Variants in CD58 observed in about 807,000 individuals in gnomAD.
CD58 encodes the protein lymphocyte function-associated antigen 3.
Under a neutral mutation model 27.6 loss-of-function variants are expected in CD58, and 14 were observed. The ratio of observed to expected loss-of-function variants is 0.51; its 90% CI spans 0.34 to 0.79. The LOEUF (loss-of-function observed/expected upper bound fraction) is 0.79. Ranked by LOEUF, CD58 falls within the 30% of genes least tolerant of loss-of-function variation. The pLI is 0.02. For synonymous variants in CD58, 117 were observed against 103.8 expected, an observed-to-expected ratio of 1.13 and a Z score of -0.77; for missense variants, 268 against 301.7, an observed-to-expected ratio of 0.89 and a Z score of 0.83.
At chr1:116,566,948 G>A (rs1658956006) in intron 1 of CD58, among the ~76,000 whole-genome samples, 1 of 151,400 alleles carries the variant, frequency 6.6e-6, no homozygotes, top group Non-Finnish European at 1.5e-5. Context: ...AGACCAGCCT[G>A]GGCAACATGG....
chr1:116,544,241 T>C, intron 2 of CD58, 70 bp downstream of exon 2: 1 of 1,020,496 alleles, frequency 9.8e-7, no homozygotes, highest in Admixed American at 2.3e-5. Flanking sequence ...TAATTTGTGC[T>C]AGTCTCTGAA....
At chr1:116,549,304 G>A (rs972428255) in intron 1 of CD58, among the ~76,000 whole-genome samples, 1 of 152,150 alleles carries the variant, frequency 6.6e-6, no homozygotes, top group South Asian at 2.1e-4. Context: ...AACTAACAAG[G>A]GGTTAGGGAA....
At chr1:116,544,255 A>G in intron 2 of CD58, 56 bp downstream of exon 2, 1 of 1,227,944 alleles carries the variant, frequency 8.1e-7, no homozygotes, top group South Asian at 1.4e-5. Context: ...CTCTGAAAAC[A>G]GACTAAAAAA....
In CD58 at chr1:116,522,438, G is replaced by A. The variant is rs575651011; in HGVS notation, c.629-455C>T. 2.0e-5 allele frequency among the ~76,000 whole-genome samples: 3 copies of A among 152,288 alleles called. No individual in the cohort carries two copies. Among genetic ancestry groups the A allele is most frequent in the East Asian group, 3.9e-4 (2 of 5,186 alleles). On this transcript the variant is annotated intron_variant, in intron 3 of 5. Coordinates refer to ENST00000369489, the MANE Select transcript of CD58 (RefSeq NM_001779.3). The surrounding 1 kb of genome is among the most constrained non-coding windows in gnomAD (Gnocchi z 4.6). ...TCACTTAGGCATGAGTTACAGTGCT[G>A]TTGGCTATGAGTTCAAGGTCAATAA...
At chr1:116,558,292 T>C (rs1035777092) in intron 1 of CD58, among the ~76,000 whole-genome samples, 1 of 152,172 alleles carries the variant, frequency 6.6e-6, no homozygotes, top group African/African-American at 2.4e-5. Context: ...AGCCCAGAGA[T>C]AGCAGGGTCT....
Position 116,521,535 on chromosome 1 carries a change from G to A in CD58, c.706+371C>T, listed in dbSNP as rs147908176. Among the ~76,000 whole-genome samples, 20 of 152,332 alleles carry A rather than the reference G, an allele frequency of 1.3e-4. No homozygotes were observed. The highest frequency in any genetic ancestry group is 3.8e-4 in the African/African-American group (16 of 41,582). On this transcript the variant is annotated intron_variant, in intron 4 of 5. Coordinates refer to ENST00000369489, the MANE Select transcript of CD58 (RefSeq NM_001779.3). The surrounding 1 kb of genome is among the most constrained non-coding windows in gnomAD (Gnocchi z 5.6). ...CCCTTCCTACCTGGGAGCCCCATTC[G>A]TGTTATATGACATGAAAATTACAGA...
rs550474922 is a variant in CD58 at position 116,524,300 on chromosome 1, T to C, written c.629-2317A>G. On this transcript the variant is annotated intron_variant, in intron 3 of 5. Coordinates refer to ENST00000369489, the MANE Select transcript of CD58 (RefSeq NM_001779.3). The surrounding 1 kb of genome is among the most constrained non-coding windows in gnomAD (Gnocchi z 4.6). ...TTCCTGGGATATGAAATTCGGGTGC[T>C]GAAACTGGGAAGTCTGGGCACACCA... Among the ~76,000 whole-genome samples, 3 of 152,282 alleles carry C rather than the reference T, an allele frequency of 2.0e-5. No individual in the cohort carries two copies. Among genetic ancestry groups the C allele is most frequent in the African/African-American group, 7.2e-5 (3 of 41,560 alleles).
rs1203219028 is a variant in CD58, at chr1:116,517,478, C to G, written c.743+1753G>C. On this transcript the variant is annotated intron_variant, in intron 5 of 5. Coordinates refer to ENST00000369489, the MANE Select transcript of CD58 (RefSeq NM_001779.3). The surrounding 1 kb of genome is among the most constrained non-coding windows in gnomAD (Gnocchi z 6.5). ...CCTGTGGCCCATCCATCGATCCCACCTCACCTAGGCCCTTGCTGCTGCTTA... is the reference window on the plus strand; with the variant it reads ...CCTGTGGCCCATCCATCGATCCCACGTCACCTAGGCCCTTGCTGCTGCTTA... 6.6e-6 allele frequency among the ~76,000 whole-genome samples: 1 copy of G among 152,186 alleles called. No homozygotes were observed. The highest frequency in any genetic ancestry group is 2.4e-5 in the African/African-American group (1 of 41,444).
rs57435112 is a variant in CD58, at chr1:116,552,767, A to G, written c.71-8163T>C. ...ACTCCTTTTGTGGCTAGCTTTGTCT[A>G]TTGCAGTTACACCGCAATAACTATC... On this transcript the variant is annotated intron_variant, in intron 1 of 5. Transcript: ENST00000369489. This position sits in a 1 kb window ranked among gnomAD's most constrained non-coding sequence, Gnocchi z 4.5. Among the ~76,000 whole-genome samples the G allele has an allele frequency of 6.6e-6, 1 of 152,330 alleles. No homozygotes were observed. Among genetic ancestry groups the G allele is most frequent in the East Asian group, 1.9e-4 (1 of 5,188 alleles).
At position 116,522,063 on chromosome 1, in the gene CD58, C is replaced by T. The variant is rs963751774; in HGVS notation, c.629-80G>A. The T allele has an allele frequency of 2.6e-5, 19 of 720,474 alleles. No individual in the cohort carries two copies. The highest frequency in any genetic ancestry group is 1.3e-4 in the African/African-American group (7 of 55,390). 44.6% of individuals were successfully genotyped at this position (720,474 alleles called of 1,614,324 possible). A position where few individuals can be genotyped will look rare whatever the true frequency, so the allele number is the denominator to read the frequency against. ...CTCATTATTTGCAGATTCCACCTTG[C>T]GGTTTGCTTATTTACTGAAATTTAT... On this transcript the variant is annotated intron_variant, in intron 3 of 5. Coordinates refer to ENST00000369489, the MANE Select transcript of CD58 (RefSeq NM_001779.3). The surrounding 1 kb of genome is among the most constrained non-coding windows in gnomAD (Gnocchi z 4.6).
chr1:116,519,407 T>C lies in CD58; in HGVS notation c.707-140A>G, dbSNP rs1657194848. On this transcript the variant is annotated intron_variant, in intron 4 of 5. Transcript: ENST00000369489. The surrounding 1 kb of genome is among the most constrained non-coding windows in gnomAD (Gnocchi z 4.7). ...CACCCTGGGATTTCCTGCTATCCTATATGCTTTAAATCAAATCGGCTACAG... is the reference window on the plus strand; with the variant it reads ...CACCCTGGGATTTCCTGCTATCCTACATGCTTTAAATCAAATCGGCTACAG... 1 of 763,866 alleles carries C rather than the reference T, an allele frequency of 1.3e-6. No individual in the cohort carries two copies. Among genetic ancestry groups the C allele is most frequent in the African/African-American group, 1.7e-5 (1 of 57,796 alleles). The allele number at this position is 763,866 out of a possible 1,614,324, so 47.3% of individuals were successfully genotyped here.
intron 1 of CD58, among the ~76,000 whole-genome samples, chr1:116,562,495 T>C (rs750093250): frequency 2.0e-5 from 3 of 152,136 alleles, no homozygotes; most frequent in Admixed American, 6.6e-5. Flanking sequence ...GCTAACTTTT[T>C]GTAGAGATGG....
rs551812002 is a variant in CD58 at position 116,533,473 on chromosome 1, A to C, written c.628+2492T>G. 6 of 742,642 alleles carry C rather than the reference A, an allele frequency of 8.1e-6. No homozygotes were observed. In the African/African-American group the frequency reaches 8.6e-5, roughly 11 times the overall value. The allele number at this position is 742,642 out of a possible 1,614,324, so 46.0% of individuals were successfully genotyped here. On this transcript the variant is annotated intron_variant, in intron 3 of 5. Transcript: ENST00000369489. ...TCATTGGGTTGAAAGTGGAACTCTTAATATGAAAGACATAGGCTGTCCAGG... is the reference window on the plus strand; with the variant it reads ...TCATTGGGTTGAAAGTGGAACTCTTCATATGAAAGACATAGGCTGTCCAGG...
chr1:116,570,394 G>A lies in CD58; in HGVS notation c.70+509C>T, dbSNP rs1035518125. Among the ~76,000 whole-genome samples, 8 of 152,168 alleles carry A rather than the reference G, an allele frequency of 5.3e-5. No individual in the cohort carries two copies. Among genetic ancestry groups the A allele is most frequent in the Non-Finnish European group, 8.8e-5 (6 of 68,016 alleles). The stretch of plus-strand genomic sequence containing the variant: ...TTGCCTACCCGCTCCTCGCTGTGGG[G>A]CGATTCTGAAAAGTCCTCTCTGCTG... On this transcript the variant is annotated intron_variant, in intron 1 of 5. Coordinates refer to ENST00000369489, the MANE Select transcript of CD58 (RefSeq NM_001779.3). The surrounding 1 kb of genome is among the most constrained non-coding windows in gnomAD (Gnocchi z 6.4).
intron 1 of CD58, among the ~76,000 whole-genome samples, chr1:116,569,735 G>C (rs75052832): frequency 6.6e-6 from 1 of 151,678 alleles, no homozygotes; most frequent in East Asian, 1.9e-4. Context: ...CCGAGTAGCT[G>C]GGACTATAGG....
rs1171804532 is a variant in CD58, at chr1:116,524,271, G to C, written c.629-2288C>G. Among the ~76,000 whole-genome samples, 1 of 152,162 alleles carries C rather than the reference G, an allele frequency of 6.6e-6. No homozygotes were observed. Among genetic ancestry groups the C allele is most frequent in the Non-Finnish European group, 1.5e-5 (1 of 68,024 alleles). The stretch of plus-strand genomic sequence containing the variant: ...TCATCCTGGTTTTCCTGAAACTGAA[G>C]AGTTTCCTGGGATATGAAATTCGGG... On this transcript the variant is annotated intron_variant, in intron 3 of 5. Transcript: ENST00000369489. The surrounding 1 kb of genome is among the most constrained non-coding windows in gnomAD (Gnocchi z 4.6).
At position 116,550,621 on chromosome 1, in the gene CD58, A is replaced by T. The variant is rs557406925; in HGVS notation, c.71-6017T>A. Among the ~76,000 whole-genome samples the T allele has an allele frequency of 6.6e-6, 1 of 152,314 alleles. No individual in the cohort carries two copies. ...ATATTTTGACCTGACGATTGGAATC[A>T]AATTCTTCCAAACTCCTGTTAATGT... On this transcript the variant is annotated intron_variant, in intron 1 of 5. Transcript: ENST00000369489. This position sits in a 1 kb window ranked among gnomAD's most constrained non-coding sequence, Gnocchi z 4.2.
chr1:116,547,794 T>C (rs1398670374), intron 1 of CD58, among the ~76,000 whole-genome samples: 2 of 152,190 alleles, frequency 1.3e-5, no homozygotes, highest in Non-Finnish European at 2.9e-5. Flanking sequence ...GTCTTTTTCA[T>C]AAAATGACTT....
Position 116,521,921 on chromosome 1 carries a change from C to A in CD58, c.691G>T (p.Val231Leu), listed in dbSNP as rs186692047. The stretch of plus-strand genomic sequence containing the variant: ...GCATACATACCATTCATATACAGCA[C>A]AATACATGTTGTAATTACTGCTAAT... ...IPLAVITTCIVLYMNGILKCD... is the reference protein window; with the variant it reads ...IPLAVITTCILLYMNGILKCD... The change falls in exon 4 of 6, where the codon GTG (valine) becomes TTG (leucine). Residue 231 changes from valine to leucine, a missense_variant. By Grantham distance (32) the Val-to-Leu change is conservative. Transcript: ENST00000369489. The surrounding 1 kb of genome is among the most constrained non-coding windows in gnomAD (Gnocchi z 5.6). 6 of 1,551,442 alleles carry A rather than the reference C, an allele frequency of 3.9e-6. No homozygotes were observed. In the African/African-American group the frequency reaches 8.1e-5, roughly 21 times the overall value.
Sources: allele counts gnomAD v4.1 joint callset (sites outside exome capture counted in the v4.1 genomes callset), GRCh38; gene constraint gnomAD v4.1.1; non-coding constraint Gnocchi (gnomAD v3.1); transcripts MANE v1.5; gene names NCBI Gene and HGNC (gene_info 2026-07-23, HGNC 2026-07-21).